PDE1A: variants seen among roughly 807,000 people sequenced by gnomAD.
PDE1A encodes dual specificity calcium/calmodulin-dependent 3',5'-cyclic nucleotide phosphodiesterase 1A.
A neutral mutation model predicts 61.7 loss-of-function variants in PDE1A; 35 were observed. The observed-to-expected ratio is 0.57, with a 90% CI of 0.43 to 0.75. The LOEUF (loss-of-function observed/expected upper bound fraction) is 0.75, where lower values mean the gene tolerates loss of function less well. Ranked by LOEUF, PDE1A falls within the 30% of genes least tolerant of loss-of-function variation. The probability of loss-of-function intolerance (pLI) is 0.00; values close to 1 mark genes in which losing one functional copy is unlikely to be tolerated. For synonymous variants in PDE1A, 232 were observed against 213.2 expected, an observed-to-expected ratio of 1.09 and a Z score of -0.77; for missense variants, 597 against 630.6, an observed-to-expected ratio of 0.95 and a Z score of 0.57.
intron 10 of PDE1A, among the ~76,000 whole-genome samples, chr2:182,192,682 T>C (rs1167267960): frequency 6.6e-6 from 1 of 152,110 alleles, no homozygotes; most frequent in East Asian, 1.9e-4. Flanking sequence ...AAAATACACT[T>C]TTAAAAATGA....
chr2:182,713,705 C>G, the PDE1A span, among the ~76,000 whole-genome samples: 1 of 152,118 alleles, frequency 6.6e-6, no homozygotes, highest in African/African-American at 2.4e-5. Context: ...CTCCATCCCT[C>G]TCATATCTGT....
intron 1 of PDE1A, among the ~76,000 whole-genome samples, chr2:182,388,431 A>C (rs971337482): frequency 2.0e-5 from 3 of 152,224 alleles, no homozygotes; most frequent in African/African-American, 7.2e-5. Flanking sequence ...AGGCCACAAA[A>C]TAAGTCTTCA....
At chr2:182,211,509 C>T (rs1372384738) in intron 7 of PDE1A, among the ~76,000 whole-genome samples, 1 of 152,126 alleles carries the variant, frequency 6.6e-6, no homozygotes, top group African/African-American at 2.4e-5. Flanking sequence ...GAGTCTTTTG[C>T]CTCTCCATAC....
intron 1 of PDE1A, among the ~76,000 whole-genome samples, chr2:182,379,542 A>G (rs973365848): frequency 3.3e-5 from 5 of 152,364 alleles, no homozygotes; most frequent in South Asian, 2.1e-4. Context: ...GAACTTTAAC[A>G]GCACAAACAG....
At chr2:182,620,665 C>T in the PDE1A span, among the ~76,000 whole-genome samples, 5 of 152,162 alleles carry the variant, frequency 3.3e-5, no homozygotes, top group Non-Finnish European at 5.9e-5. Flanking sequence ...TTTCATGTTC[C>T]TTTTCAGTTG....
At chr2:182,532,197 A>G in the PDE1A span, among the ~76,000 whole-genome samples, 1 of 152,332 alleles carries the variant, frequency 6.6e-6, no homozygotes, top group East Asian at 1.9e-4. Flanking sequence ...GACTATAATC[A>G]ACAATAATGT....
At chr2:182,197,002 T>C (rs1436365046) in intron 10 of PDE1A, among the ~76,000 whole-genome samples, 1 of 151,820 alleles carries the variant, frequency 6.6e-6, no homozygotes, top group Non-Finnish European at 1.5e-5. Context: ...TATCCAGTAG[T>C]TTTCCAGAGT....
At chr2:182,700,100 C>G in the PDE1A span, among the ~76,000 whole-genome samples, 1 of 152,174 alleles carries the variant, frequency 6.6e-6, no homozygotes, top group Non-Finnish European at 1.5e-5. Flanking sequence ...TTGCCTCTGT[C>G]ATTGTACCAC....
the PDE1A span, among the ~76,000 whole-genome samples, chr2:182,574,954 T>C: frequency 6.6e-6 from 1 of 152,154 alleles, no homozygotes; most frequent in African/African-American, 2.4e-5. Context: ...CCTCCCAAGG[T>C]GCTGGAATTA....
intron 2 of PDE1A, among the ~76,000 whole-genome samples, chr2:182,242,892 CTCTCTCCCT>C (rs1690643166): frequency 8.2e-6 from 1 of 122,698 alleles, no homozygotes; most frequent in African/African-American, 3.0e-5. Flanking sequence ...CCCTCTCTCT[CTCTCTCCCT>C]CTCTCTCTCT....
the PDE1A span, among the ~76,000 whole-genome samples, chr2:182,664,379 T>C: frequency 2.6e-5 from 4 of 152,204 alleles, no homozygotes; most frequent in African/African-American, 9.6e-5. Flanking sequence ...AGGTATGTAA[T>C]TTGTGGTATA....
At chr2:182,214,569 G>T (rs1574732734) in intron 7 of PDE1A, among the ~76,000 whole-genome samples, 1 of 151,374 alleles carries the variant, frequency 6.6e-6, no homozygotes, top group African/African-American at 2.4e-5. Context: ...GATGGAGGAA[G>T]ATCTACCAAG....
the PDE1A span, among the ~76,000 whole-genome samples, chr2:182,628,350 C>T: frequency 1.2e-4 from 19 of 152,274 alleles, no homozygotes; most frequent in Non-Finnish European, 1.9e-4. Flanking sequence ...AATATATTTT[C>T]ACATTTTAAC....
rs185694047 is a variant in PDE1A at position 182,237,248 on chromosome 2, T to A, written c.351-2750A>T. ...TGACTCACGCCTGTAATCCCAGAAC[T>A]TTGGGAGGCCGAGGCGGGTGAATCA... On this transcript the variant is annotated intron_variant, in intron 3 of 13. Transcript: ENST00000351439. Among the ~76,000 whole-genome samples, 855 of 152,300 alleles carry A rather than the reference T, an allele frequency of 5.6e-3. 10 individuals carry two copies. The highest frequency in any genetic ancestry group is 0.019 in the African/African-American group (799 of 41,562).
intron 13 of PDE1A, among the ~76,000 whole-genome samples, chr2:182,161,301 A>G (rs939325389): frequency 6.6e-6 from 1 of 152,070 alleles, no homozygotes; most frequent in African/African-American, 2.4e-5. Flanking sequence ...AGAAAGGTGA[A>G]CTCTCAGCCT....
intron 1 of PDE1A, among the ~76,000 whole-genome samples, chr2:182,292,642 A>C (rs73977331): frequency 0.023 from 3,527 of 152,124 alleles, 135 homozygotes; most frequent in African/African-American, 0.08. Context: ...TATTTTTTAT[A>C]ATATCATAAT....
intron 13 of PDE1A, among the ~76,000 whole-genome samples, chr2:182,177,349 T>C (rs1002473212): frequency 2.6e-5 from 4 of 151,944 alleles, no homozygotes; most frequent in Non-Finnish European, 5.9e-5. Context: ...TATTGATTAT[T>C]GCCACAATTT....
At chr2:182,177,487 G>C (rs1684365966) in intron 13 of PDE1A, among the ~76,000 whole-genome samples, 1 of 152,060 alleles carries the variant, frequency 6.6e-6, no homozygotes, top group African/African-American at 2.4e-5. Context: ...GGTGTTTGTA[G>C]TATTCTCCAA....
chr2:182,617,924 G>T, the PDE1A span, among the ~76,000 whole-genome samples: 1 of 152,102 alleles, frequency 6.6e-6, no homozygotes, highest in African/African-American at 2.4e-5. Context: ...TTATCATAGT[G>T]TAACCCTCAT....
Sources: allele counts gnomAD v4.1 joint callset (sites outside exome capture counted in the v4.1 genomes callset), GRCh38; gene constraint gnomAD v4.1.1; transcripts MANE v1.5; gene names NCBI Gene and HGNC (gene_info 2026-07-23, HGNC 2026-07-21).